Variants in NF1 observed in about 807,000 individuals in gnomAD.
NF1 encodes the protein neurofibromin.
Under a neutral mutation model 325.7 loss-of-function variants are expected in NF1, and 122 were observed. The observed-to-expected ratio is 0.37, with a 90% CI of 0.32 to 0.44. The LOEUF (loss-of-function observed/expected upper bound fraction) is 0.44. Ranked by LOEUF, NF1 falls within the 20% of genes least tolerant of loss-of-function variation. The pLI is 1.00. For missense variants in NF1, 2,140 were observed against 3,415.4 expected (o/e 0.63, Z 9.31); for synonymous variants, 1,091 against 1,186.0 (o/e 0.92, Z 1.65).
At chr17:31,299,138 A>G (rs1433129544) in intron 36 of NF1, among the ~76,000 whole-genome samples, 1 of 152,090 alleles carries the variant, frequency 6.6e-6, no homozygotes, top group African/African-American at 2.4e-5. Flanking sequence ...AAAATTCTCA[A>G]AAAGAAAAAG....
intron 48 of NF1, among the ~76,000 whole-genome samples, chr17:31,344,122 G>C (rs2069906032): frequency 6.6e-6 from 1 of 152,146 alleles, no homozygotes; most frequent in Non-Finnish European, 1.5e-5. Flanking sequence ...AAAATGTTAA[G>C]AGATTTGATC....
At position 31,196,205 on chromosome 17, in the gene NF1, G is replaced by A. The variant is rs558339813; in HGVS notation, c.889-4217G>A. 4.0e-5 allele frequency among the ~76,000 whole-genome samples: 6 copies of A among 151,006 alleles called. No homozygotes were observed. In the East Asian group the frequency reaches 9.7e-4, roughly 24 times the overall value. On this transcript the variant is annotated intron_variant, in intron 8 of 57. Transcript: ENST00000358273. Reference sequence around the variant, plus strand: ...TACTCATTTCTCTTTCCTCATTCACGTTTACTATTTTATTGGTCTTTAAAA... The same window carrying A: ...TACTCATTTCTCTTTCCTCATTCACATTTACTATTTTATTGGTCTTTAAAA...
intron 12 of NF1, among the ~76,000 whole-genome samples, chr17:31,213,419 G>A (rs2066763992): frequency 6.6e-6 from 1 of 152,118 alleles, no homozygotes; most frequent in South Asian, 2.1e-4. Flanking sequence ...TAAACATTGA[G>A]GATAGTTCAT....
intron 12 of NF1, among the ~76,000 whole-genome samples, chr17:31,210,234 G>A (rs528473188): frequency 1.3e-5 from 2 of 152,282 alleles, no homozygotes; most frequent in African/African-American, 4.8e-5. Flanking sequence ...TGGGCATTTA[G>A]TACATGTTTG....
At chr17:31,344,801 A>G (rs1391571432) in intron 48 of NF1, among the ~76,000 whole-genome samples, 1 of 152,254 alleles carries the variant, frequency 6.6e-6, no homozygotes, top group East Asian at 1.9e-4. Flanking sequence ...GGCTGGGTGC[A>G]GCGGCTCATG....
At position 31,181,463 on chromosome 17, in the gene NF1, T is replaced by C. The variant is rs757812365; in HGVS notation, c.628T>C (p.Leu210=). The change falls in exon 6 of 58, where the codon TTA becomes CTA. Residue 210 remains leucine (L), a synonymous_variant. Coordinates refer to ENST00000358273, the MANE Select transcript of NF1 (RefSeq NM_001042492.3). ...TAAAGCCCTAAAGAAGGTTGCGCAG[T>C]TAGCAGTTATAAATAGCCTGGAAAA... ...KFKALKKVAQ[L]AVINSLEKAF... is the part of the protein sequence containing the mutation. The C allele has an allele frequency of 5.0e-6, 8 of 1,613,504 alleles. No homozygotes were observed. The African/African-American group carries it at 9.3e-5, about 19-fold the overall frequency.
intron 17 of NF1, 99 bp downstream of exon 17, chr17:31,225,349 T>TG: frequency 1.5e-6 from 2 of 1,322,942 alleles, no homozygotes; most frequent in East Asian, 4.6e-5. Context: ...AGTGTAATAG[T>TG]GAAAAACTGC....
Position 31,358,607 on chromosome 17 carries a change from A to G in NF1, c.8098A>G (p.Thr2700Ala). 1 of 1,614,070 alleles carries G rather than the reference A, an allele frequency of 6.2e-7. No homozygotes were observed. Among genetic ancestry groups the G allele is most frequent in the Non-Finnish European group, 8.5e-7 (1 of 1,179,948 alleles). The change falls in exon 55 of 58, where the codon ACA (threonine) becomes GCA (alanine). Residue 2700 changes from threonine (T) to alanine (A), a missense_variant. Thr to Ala is a moderately conservative substitution (Grantham distance 58, BLOSUM62 0). This residue lies in a region of NF1 where 522 missense variants were observed against 749.0 expected (regional missense o/e 0.70). Transcript: ENST00000358273. ...YHEESPPQYQ[T>A]SYLQSFGFNG... ...TGAAGAATCCCCACCACAATACCAAACATCTTACCTGCAAAGTAAATAAAT... is the reference window on the plus strand; with the variant it reads ...TGAAGAATCCCCACCACAATACCAAGCATCTTACCTGCAAAGTAAATAAAT...
chr17:31,125,666 A>G (rs1914815942), intron 1 of NF1, among the ~76,000 whole-genome samples: 1 of 151,816 alleles, frequency 6.6e-6, no homozygotes, highest in Non-Finnish European at 1.5e-5. Flanking sequence ...CCTCCTGAGT[A>G]GCTGGGATTA....
chr17:31,155,671 G>A (rs2065647182), intron 1 of NF1, among the ~76,000 whole-genome samples: 1 of 152,104 alleles, frequency 6.6e-6, no homozygotes, highest in Admixed American at 6.5e-5. Context: ...ATATAGTGCT[G>A]GATAAAGAAT....
At position 31,150,875 on chromosome 17, in the gene NF1, T is replaced by TA. The variant is rs1916889432; in HGVS notation, c.61-5107dup. The stretch of plus-strand genomic sequence containing the variant: ...GGTGAAACCCCGTCTCTACTAAAAA[T>TA]ACAAAAAAATTAGCCAGGCAATGGT... On this transcript the variant is annotated intron_variant, in intron 1 of 57. Transcript: ENST00000358273. 4.0e-5 allele frequency among the ~76,000 whole-genome samples: 6 copies of TA among 151,736 alleles called. No homozygotes were observed. In the South Asian group the frequency reaches 1.2e-3, roughly 32 times the overall value.
chr17:31,136,984 G>GAC (rs1308258291), intron 1 of NF1: 1 of 152,120 alleles, frequency 6.6e-6, no homozygotes, highest in Non-Finnish European at 1.5e-5. Context: ...TAGAATTCTG[G>GAC]ACAGTTATGT....
rs2143777669 is a variant in NF1, at chr17:31,181,733, T to C, written c.678T>C (p.Asn226=). The C allele has an allele frequency of 6.2e-7, 1 of 1,610,164 alleles. No individual in the cohort carries two copies. The highest frequency in any genetic ancestry group is 1.3e-5 in the African/African-American group (1 of 74,978). Residue 226 remains asparagine (N), a synonymous_variant, in exon 7 of 58, where the codon AAT becomes AAC. Coordinates refer to ENST00000358273, the MANE Select transcript of NF1 (RefSeq NM_001042492.3). ...AGGCATTTTGGAACTGGGTAGAAAA[T>C]TATCCAGATGAATTTACAAAACTGT... is the stretch of plus-strand genomic sequence containing the variant. ...LEKAFWNWVE[N]YPDEFTKLYQ... is the part of the protein sequence containing the mutation.
rs750058369 is a variant in NF1 at position 31,349,216 on chromosome 17, T to A, written c.7286T>A (p.Phe2429Tyr). 1 of 1,613,526 alleles carries A rather than the reference T, an allele frequency of 6.2e-7. No homozygotes were observed. Among genetic ancestry groups the A allele is most frequent in the Non-Finnish European group, 8.5e-7 (1 of 1,179,818 alleles). Residue 2429 changes from phenylalanine (F) to tyrosine (Y), a missense_variant, in exon 49 of 58, where the codon TTT becomes TAT. By Grantham distance (22) the Phe-to-Tyr change is conservative. Around this residue, in one of 10 missense-constraint regions of NF1, gnomAD observed 522 missense variants for 749.0 expected, o/e 0.70. Transcript: ENST00000358273. ...LVNKHRNCDKFEVNTQSVAYL... is the reference protein window; with the variant it reads ...LVNKHRNCDKYEVNTQSVAYL... ...AACAAACACAGAAATTGTGACAAAT[T>A]TGAAGTGAATACACAGAGCGTGGCC...
chr17:31,178,785 T>C (rs893578956), intron 5 of NF1, among the ~76,000 whole-genome samples: 4 of 152,026 alleles, frequency 2.6e-5, no homozygotes, highest in Non-Finnish European at 5.9e-5. Flanking sequence ...TACATAATGG[T>C]AAAGAGATCA....
At chr17:31,355,571 G>A (rs770636893) in intron 51 of NF1, among the ~76,000 whole-genome samples, 4 of 152,150 alleles carry the variant, frequency 2.6e-5, no homozygotes, top group South Asian at 4.1e-4. Context: ...ACTGTTGGCC[G>A]GGCATGGTGG....
chr17:31,212,732 T>A (rs1026118373), intron 12 of NF1, among the ~76,000 whole-genome samples: 1 of 152,136 alleles, frequency 6.6e-6, no homozygotes, highest in Non-Finnish European at 1.5e-5. Context: ...TTATAATAAA[T>A]ACATAAACCA....
intron 29 of NF1, among the ~76,000 whole-genome samples, chr17:31,247,112 C>T (rs1387816121): frequency 1.3e-5 from 2 of 150,248 alleles, no homozygotes; most frequent in Admixed American, 6.7e-5. Context: ...AGGAGAATTG[C>T]TTGAACCTGG....
chr17:31,217,572 T>A (rs2066841775), intron 13 of NF1, among the ~76,000 whole-genome samples: 1 of 151,918 alleles, frequency 6.6e-6, no homozygotes, highest in African/African-American at 2.4e-5. Context: ...CCCAAAGTGC[T>A]GGGATTACAG....
Sources: gnomAD v4.1 joint callset for allele counts (sites outside exome capture counted in the v4.1 genomes callset) on GRCh38, gnomAD v4.1.1 for gene constraint, gnomAD v4.1.1 regional missense constraint, MANE v1.5 for transcripts, NCBI Gene and HGNC (gene_info 2026-07-23, HGNC 2026-07-21) for gene names.